Variants in UGDH observed in about 807,000 individuals in gnomAD.
UGDH encodes the protein UDP-glucose 6-dehydrogenase.
A neutral mutation model predicts 50.6 loss-of-function variants in UGDH; 38 were observed. The observed-to-expected ratio is 0.75, with a 90% CI of 0.58 to 0.98. The LOEUF (loss-of-function observed/expected upper bound fraction) is 0.98. Among genes scored for constraint, UGDH ranks in the 50% least tolerant of loss-of-function variants. The pLI, the probability that UGDH is intolerant of heterozygous loss-of-function variation, is 0.00. For synonymous variants in UGDH, 168 were observed against 199.9 expected (o/e 0.84, Z 1.35); for missense variants, 465 against 606.2 (o/e 0.77, Z 2.45).
intron 7 of UGDH, among the ~76,000 whole-genome samples, 191 bp downstream of exon 7, chr4:39,508,375 A>C (rs1746107825): frequency 6.6e-6 from 1 of 152,216 alleles, no homozygotes; most frequent in African/African-American, 2.4e-5. Context: ...CTAGGACTAC[A>C]GGTGTGCAAC....
intron 3 of UGDH, among the ~76,000 whole-genome samples, chr4:39,511,329 C>T (rs1388427259): frequency 1.3e-5 from 2 of 148,710 alleles, no homozygotes; most frequent in African/African-American, 2.5e-5. Context: ...AGTGTAATCT[C>T]GGCTCACTGC....
chr4:39,519,299 T>G (rs1746554875), intron 2 of UGDH, among the ~76,000 whole-genome samples: 1 of 151,840 alleles, frequency 6.6e-6, no homozygotes, highest in Non-Finnish European at 1.5e-5. Flanking sequence ...CAAATGATCC[T>G]TCTGTCTCAG....
At chr4:39,501,335 C>T (rs1316362893) in intron 11 of UGDH, among the ~76,000 whole-genome samples, 6 of 148,204 alleles carry the variant, frequency 4.0e-5, no homozygotes, top group Non-Finnish European at 7.4e-5. Context: ...AGTGCAGTGG[C>T]GTGATCTCGG....
intron 2 of UGDH, among the ~76,000 whole-genome samples, chr4:39,519,536 T>C (rs923713747): frequency 3.3e-5 from 5 of 152,124 alleles, no homozygotes; most frequent in Admixed American, 2.6e-4. Context: ...AATATAGTAG[T>C]AATATATATA....
chr4:39,521,206 G>T, intron 2 of UGDH, 145 bp downstream of exon 2: 2 of 762,754 alleles, frequency 2.6e-6, no homozygotes, highest in Non-Finnish European at 3.9e-6. Context: ...GTGTTTTAAT[G>T]TCCATGTGTT....
intron 2 of UGDH, among the ~76,000 whole-genome samples, chr4:39,515,499 TA>T (rs11361166): frequency 0.21 from 31,949 of 150,510 alleles, 5,173 homozygotes; most frequent in African/African-American, 0.44. Flanking sequence ...CCCTTTTATT[TA>T]AAAAAAAAAT....
At position 39,510,783 on chromosome 4, in the gene UGDH, G is replaced by T; in HGVS notation, c.343C>A (p.Arg115Ser). 1 of 1,614,134 alleles carries T rather than the reference G, an allele frequency of 6.2e-7. No homozygotes were observed. Among genetic ancestry groups the T allele is most frequent in the East Asian group, 2.2e-5 (1 of 44,888 alleles). The change falls in exon 4 of 12, where the codon CGC (arginine) becomes AGC (serine). Residue 115 changes from arginine to serine, a missense_variant. Arg to Ser is a moderately radical substitution (Grantham distance 110). Coordinates refer to ENST00000316423, the MANE Select transcript of UGDH (RefSeq NM_003359.4). Reference sequence around the variant, plus strand: ...TACCCATTTGAGTTTTGCACAATGCGTCTAGCACAAGCTTCAATATACTTC... The same window carrying T: ...TACCCATTTGAGTTTTGCACAATGCTTCTAGCACAAGCTTCAATATACTTC... Reference protein sequence around the residue: ...DLKYIEACARRIVQNSNGYKI... With the variant: ...DLKYIEACARSIVQNSNGYKI...
At chr4:39,505,137 C>T in intron 9 of UGDH, 100 bp downstream of exon 9, 1 of 1,184,532 alleles carries the variant, frequency 8.4e-7, no homozygotes, top group Non-Finnish European at 1.2e-6. Context: ...AGAGGGCCTA[C>T]CAATGATATA....
intron 2 of UGDH, among the ~76,000 whole-genome samples, chr4:39,515,499 T>TAAA (rs11361166): frequency 2.0e-5 from 3 of 150,442 alleles, no homozygotes; most frequent in Non-Finnish European, 4.4e-5. Flanking sequence ...CCCTTTTATT[T>TAAA]AAAAAAAAAA....
At chr4:39,510,605 T>C (rs1746206598) in intron 4 of UGDH, 55 bp from the exon 5 acceptor site, 2 of 1,613,898 alleles carry the variant, frequency 1.2e-6, no homozygotes, top group African/African-American at 2.7e-5. Flanking sequence ...TGGGCAACTT[T>C]AACACATCAG....
chr4:39,525,470 A>T lies in UGDH; in HGVS notation c.-8+1813T>A, dbSNP rs1746838591. On this transcript the variant is annotated intron_variant, in intron 1 of 11. Coordinates refer to ENST00000316423, the MANE Select transcript of UGDH (RefSeq NM_003359.4). ...TGGCCTCCCAAAGTGCTGGGATTAC[A>T]GGCGTGAGCCACTGCGCCCAGCCCC... Among the ~76,000 whole-genome samples, 3 of 151,838 alleles carry T rather than the reference A, an allele frequency of 2.0e-5. No homozygotes were observed. In the South Asian group the frequency reaches 6.2e-4, roughly 32 times the overall value.
At chr4:39,509,937 A>T in intron 5 of UGDH, 30 bp from the exon 6 acceptor site, 3 of 1,565,598 alleles carry the variant, frequency 1.9e-6, no homozygotes, top group Non-Finnish European at 2.6e-6. Context: ...GAGAAGAGTA[A>T]GATAAGCTAA....
chr4:39,509,745 A>C lies in UGDH; in HGVS notation c.811+15T>G. On this transcript the variant is annotated intron_variant, in intron 6 of 11. Transcript: ENST00000316423. The stretch of plus-strand genomic sequence containing the variant: ...AAACACTAGCTCTTTCTACTAGAGA[A>C]AAATTTGAATTTACCAACACTGGCT... 1 of 1,597,582 alleles carries C rather than the reference A, an allele frequency of 6.3e-7. No homozygotes were observed. Among genetic ancestry groups the C allele is most frequent in the Non-Finnish European group, 8.5e-7 (1 of 1,175,896 alleles).
chr4:39,527,420 C>T lies in UGDH; in HGVS notation c.-145G>A, dbSNP rs1746957723. On this transcript the variant is annotated 5_prime_UTR_variant, in exon 1 of 12. Transcript: ENST00000316423. Reference sequence around the variant, plus strand: ...TCCCTCTCGGCGCACGCCCCTCCCTCAGGCTGCCACGCGTTACACTCTGAG... The same window carrying T: ...TCCCTCTCGGCGCACGCCCCTCCCTTAGGCTGCCACGCGTTACACTCTGAG... 4.2e-6 allele frequency: 1 copy of T among 237,708 alleles called. No homozygotes were observed. Among genetic ancestry groups the T allele is most frequent in the Non-Finnish European group, 8.6e-6 (1 of 116,040 alleles). 14.7% of individuals were successfully genotyped at this position (237,708 alleles called of 1,614,324 possible).
At chr4:39,507,349 A>G (rs1292638148) in intron 7 of UGDH, among the ~76,000 whole-genome samples, 1 of 152,228 alleles carries the variant, frequency 6.6e-6, no homozygotes. Flanking sequence ...TCCAAAACAA[A>G]TATCAGCAGA....
rs922306910 is a variant in UGDH at position 39,510,021 on chromosome 4, T to C, written c.664-114A>G. On this transcript the variant is annotated intron_variant, in intron 5 of 11. Coordinates refer to ENST00000316423, the MANE Select transcript of UGDH (RefSeq NM_003359.4). ...TTACTGAGGGAGATATATAAGATAC[T>C]GATGAGCTCAATTTGAGGAGACAAT... 4 of 1,219,164 alleles carry C rather than the reference T, an allele frequency of 3.3e-6. No homozygotes were observed. The African/African-American group carries it at 6.1e-5, about 19-fold the overall frequency. 75.5% of individuals were successfully genotyped at this position (1,219,164 alleles called of 1,614,324 possible). A position where few individuals can be genotyped will look rare whatever the true frequency, so the allele number is the denominator to read the frequency against.
rs1745732324 is a variant in UGDH at position 39,500,043 on chromosome 4, A to G, written c.*100T>C. On this transcript the variant is annotated 3_prime_UTR_variant, in exon 12 of 12. Transcript: ENST00000316423. ...ACTCTGTCTCAAAAAAAAAACAAAA[A>G]AAAACACTTGGTTCATTTACCATTT... The G allele has an allele frequency of 1.4e-6, 1 of 726,910 alleles. No individual in the cohort carries two copies. The highest frequency in any genetic ancestry group is 2.2e-6 in the Non-Finnish European group (1 of 456,990). The allele number at this position is 726,910 out of a possible 1,614,324, so 45.0% of individuals were successfully genotyped here. A position where few individuals can be genotyped will look rare whatever the true frequency, so the allele number is the denominator to read the frequency against.
intron 1 of UGDH, among the ~76,000 whole-genome samples, chr4:39,522,764 CTTT>C (rs5857683): frequency 2.2e-5 from 3 of 133,694 alleles, no homozygotes; most frequent in Non-Finnish European, 3.2e-5. Flanking sequence ...TCCCTCATGA[CTTT>C]TTTTTTTTTT....
rs533653807 is a variant in UGDH, at chr4:39,508,266, G to C, written c.906+300C>G. ...TATGTCAGAGACAGGGTCTCACTCT[G>C]TTGTCCAGGCTACAGTGCAGTGGAG... On this transcript the variant is annotated intron_variant, in intron 7 of 11. Transcript: ENST00000316423. 2.6e-5 allele frequency among the ~76,000 whole-genome samples: 4 copies of C among 152,286 alleles called. No individual in the cohort carries two copies. The East Asian group carries it at 7.7e-4, about 29-fold the overall frequency.
Sources: allele counts gnomAD v4.1 joint callset (sites outside exome capture counted in the v4.1 genomes callset), GRCh38; gene constraint gnomAD v4.1.1; transcripts MANE v1.5; gene names NCBI Gene and HGNC (gene_info 2026-07-23, HGNC 2026-07-21).